Variants in TRIML1 observed in about 807,000 individuals in gnomAD.
The protein encoded by TRIML1 is tripartite motif family like 1, also known as probable E3 ubiquitin-protein ligase TRIML1.
In TRIML1, 34 loss-of-function variants were observed where a neutral mutation model predicts 32.3. The observed-to-expected ratio is 1.05, with a 90% confidence interval of 0.80 to 1.40. The LOEUF (loss-of-function observed/expected upper bound fraction) is 1.40. TRIML1 is among the 40% of genes most tolerant of loss of function. The pLI is 0.00. For synonymous variants in TRIML1, 244 were observed against 226.6 expected, an observed-to-expected ratio of 1.08 and a Z score of -0.69; for missense variants, 595 against 574.9, an observed-to-expected ratio of 1.03 and a Z score of -0.36.
chr4:188,147,000 G>A lies in TRIML1; in HGVS notation c.1035G>A (p.Val345=), dbSNP rs145790474. The change falls in exon 6 of 6, where the codon GTG becomes GTA. Residue 345 remains valine (V), a synonymous_variant. Transcript: ENST00000332517. ...CCAGTGGGAGACACTACTGGGAGGT[G>A]GAGGTGGGAAACAAGACCGAGTGGG... The part of the protein sequence containing the change: ...IFTSGRHYWE[V]EVGNKTEWEV... 5.0e-6 allele frequency: 8 copies of A among 1,592,218 alleles called. No individual in the cohort carries two copies. The highest frequency in any genetic ancestry group is 3.4e-4 in the Middle Eastern group (2 of 5,958).
chr4:188,141,610 T>C (rs1734855656), intron 2 of TRIML1, among the ~76,000 whole-genome samples: 1 of 152,214 alleles, frequency 6.6e-6, no homozygotes, highest in African/African-American at 2.4e-5. Context: ...TTGTTTTATT[T>C]GTATCATAGT....
chr4:188,138,439 C>T (rs537376074), upstream of TRIML1, among the ~76,000 whole-genome samples: 54 of 152,150 alleles, frequency 3.5e-4, no homozygotes, highest in African/African-American at 1.2e-3. Context: ...AGGTCAAACT[C>T]GCTGGCCTTT....
rs370647779 is a variant in TRIML1, at chr4:188,142,321, G to C, written c.574G>C (p.Glu192Gln). ...GAAAATGCACCAGTTCCTGAAGGAA[G>C]AGGAGCAGCTGCAACTCCAGCTACT... ...YMKMHQFLKE[E>Q]EQLQLQLLEQ... The change falls in exon 3 of 6, where the codon GAG (glutamate) becomes CAG (glutamine). Residue 192 changes from glutamate (E) to glutamine (Q), a missense_variant. Coordinates refer to ENST00000332517, the MANE Select transcript of TRIML1 (RefSeq NM_178556.5). The C allele has an allele frequency of 1.2e-6, 2 of 1,613,270 alleles. No individual in the cohort carries two copies. Among genetic ancestry groups the C allele is most frequent in the Non-Finnish European group, 8.5e-7 (1 of 1,179,914 alleles).
chr4:188,144,972 C>A (rs1735014560), intron 5 of TRIML1, among the ~76,000 whole-genome samples: 1 of 152,040 alleles, frequency 6.6e-6, no homozygotes, highest in South Asian at 2.1e-4. Flanking sequence ...TGAATAAAGC[C>A]CTGCCATGGG....
chr4:188,146,028 A>G (rs1285387508), intron 5 of TRIML1, among the ~76,000 whole-genome samples: 1 of 152,142 alleles, frequency 6.6e-6, no homozygotes, highest in Non-Finnish European at 1.5e-5. Context: ...ACCTTCCTGA[A>G]CCTGTTTTCT....
downstream of TRIML1, among the ~76,000 whole-genome samples, chr4:188,149,862 G>A (rs542255234): frequency 1.4e-4 from 21 of 152,130 alleles, no homozygotes; most frequent in East Asian, 3.7e-3. Context: ...GAATGCAGTG[G>A]CGCCATCTTG....
In TRIML1 at chr4:188,142,464, G is replaced by C. The variant is rs780369509; in HGVS notation, c.717G>C (p.Ser239=). ...IAQIESSSQS[S]AFESLEEVRG... is the part of the protein sequence containing the mutation. ...AGATTGAGTCCTCAAGTCAAAGCTCGGCTTTCGAATCTCTTGAGGTGAGAA... is the reference window on the plus strand; with the variant it reads ...AGATTGAGTCCTCAAGTCAAAGCTCCGCTTTCGAATCTCTTGAGGTGAGAA... Residue 239 remains serine (S), a synonymous_variant, in exon 3 of 6, where the codon TCG becomes TCC. Transcript: ENST00000332517. 12 of 1,613,568 alleles carry C rather than the reference G, an allele frequency of 7.4e-6. No individual in the cohort carries two copies. Among genetic ancestry groups the C allele is most frequent in the Non-Finnish European group, 1.7e-6 (2 of 1,179,864 alleles).
At position 188,142,378 on chromosome 4, in the gene TRIML1, CT is replaced by C. The variant is rs768391411; in HGVS notation, c.632del (p.Leu211ArgfsTer8). ...GGAAGAGAAAGAGAACATGAGGAAG[CT>C]GAGGAACAATGAGATCAAACTGACC... ...EQEEKENMRKLRNNEIKLTQQ... is the reference protein window; with the variant it reads ...EQEEKENMRKXRNNEIKLTQQ... On this transcript the variant is annotated frameshift_variant, in exon 3 of 6. Coordinates refer to ENST00000332517, the MANE Select transcript of TRIML1 (RefSeq NM_178556.5). LOFTEE classifies it high-confidence loss of function. The C allele has an allele frequency of 1.1e-5, 18 of 1,613,674 alleles. No individual in the cohort carries two copies. The African/African-American group carries it at 2.0e-4, about 18-fold the overall frequency.
chr4:188,148,635 C>T (rs1043710121), downstream of TRIML1, among the ~76,000 whole-genome samples: 1 of 152,074 alleles, frequency 6.6e-6, no homozygotes, highest in Non-Finnish European at 1.5e-5. Flanking sequence ...TGCAATCTCG[C>T]TCTGTCACCC....
At position 188,142,304 on chromosome 4, in the gene TRIML1, A is replaced by G; in HGVS notation, c.557A>G (p.His186Arg). The G allele has an allele frequency of 1.2e-6, 2 of 1,613,046 alleles. No individual in the cohort carries two copies. The highest frequency in any genetic ancestry group is 2.7e-5 in the African/African-American group (2 of 74,704). Residue 186 changes from histidine (H) to arginine (R), a missense_variant, in exon 3 of 6, where the codon CAC (histidine) becomes CGC (arginine). His to Arg is a conservative substitution (Grantham distance 29). Transcript: ENST00000332517. The part of the protein sequence containing the change: ...QVVVSEYMKM[H>R]QFLKEEEQLQ... ...GTTGTGTCAGAATACATGAAAATGC[A>G]CCAGTTCCTGAAGGAAGAGGAGCAG...
chr4:188,143,955 G>A, intron 4 of TRIML1, 81 bp from the exon 5 acceptor site: 1 of 1,604,806 alleles, frequency 6.2e-7, no homozygotes, highest in African/African-American at 1.3e-5. Flanking sequence ...GCTGTTGCTG[G>A]GGGAGAAATG....
intron 5 of TRIML1, among the ~76,000 whole-genome samples, chr4:188,145,478 T>TAAAAAAAAAAA (rs1735040954): frequency 9.1e-5 from 1 of 11,028 alleles, no homozygotes; most frequent in Non-Finnish European, 2.0e-4. Flanking sequence ...AAAAAAAAAG[T>TAAAAAAAAAAA]CAGAAATGGA....
Position 188,140,619 on chromosome 4 carries a change from G to A in TRIML1, c.500G>A (p.Cys167Tyr). Reference protein sequence around the residue: ...LTHEKERVKLCQEETKTCKQV... With the variant: ...LTHEKERVKLYQEETKTCKQV... ...CATGAGAAGGAGAGAGTGAAACTGT[G>A]CCAGGTCGGTGTCTGTCTGACTTTT... The change falls in exon 2 of 6, where the codon TGC becomes TAC. Residue 167 changes from cysteine (C) to tyrosine (Y), a missense_variant. Coordinates refer to ENST00000332517, the MANE Select transcript of TRIML1 (RefSeq NM_178556.5). 6.2e-7 allele frequency: 1 copy of A among 1,612,900 alleles called. No individual in the cohort carries two copies. Among genetic ancestry groups the A allele is most frequent in the Non-Finnish European group, 8.5e-7 (1 of 1,178,946 alleles).
upstream of TRIML1, chr4:188,139,431 A>T (rs896681558): frequency 9.0e-6 from 8 of 893,104 alleles, no homozygotes; most frequent in Non-Finnish European, 1.4e-5. Context: ...AGAAGAGATA[A>T]GGGTTTCTTG....
intron 3 of TRIML1, 102 bp downstream of exon 3, chr4:188,142,584 T>C: frequency 4.3e-6 from 4 of 931,800 alleles, no homozygotes; most frequent in South Asian, 3.5e-5. Flanking sequence ...AAAAACTAAG[T>C]TCTGGTCCAA....
At position 188,146,805 on chromosome 4, in the gene TRIML1, C is replaced by T. The variant is rs1735098134; in HGVS notation, c.857-17C>T. The T allele has an allele frequency of 7.4e-7, 1 of 1,354,780 alleles. No individual in the cohort carries two copies. The highest frequency in any genetic ancestry group is 9.6e-7 in the Non-Finnish European group (1 of 1,046,930). The allele number at this position is 1,354,780 out of a possible 1,614,324, so 83.9% of individuals were successfully genotyped here. ...CAAGCATGCCCAAGGGAAATCTCTTCTTTCCTCCTCTTGCAGCGGAGATAA... is the reference window on the plus strand; with the variant it reads ...CAAGCATGCCCAAGGGAAATCTCTTTTTTCCTCCTCTTGCAGCGGAGATAA... On this transcript the variant is annotated splice_polypyrimidine_tract_variant and intron_variant, in intron 5 of 5. Coordinates refer to ENST00000332517, the MANE Select transcript of TRIML1 (RefSeq NM_178556.5).
At chr4:188,140,668 G>A in intron 2 of TRIML1, 45 bp downstream of exon 2, 9 of 1,377,720 alleles carry the variant, frequency 6.5e-6, no homozygotes, top group South Asian at 2.5e-5. Flanking sequence ...GACCCCATAA[G>A]GGGGACTAAA....
intron 5 of TRIML1, among the ~76,000 whole-genome samples, chr4:188,145,085 C>T (rs1735018455): frequency 6.6e-6 from 1 of 152,040 alleles, no homozygotes; most frequent in South Asian, 2.1e-4. Context: ...AGGAGGAAGG[C>T]ATTAATCACA....
chr4:188,142,205 C>CGTGTG (rs1734881745), intron 2 of TRIML1, 47 bp from the exon 3 acceptor site: 1 of 1,173,682 alleles, frequency 8.5e-7, no homozygotes, highest in African/African-American at 2.6e-5. Context: ...CTAACTTTAT[C>CGTGTG]TCGTGTGTGT....
Sources: gnomAD v4.1 joint callset for allele counts (sites outside exome capture counted in the v4.1 genomes callset) on GRCh38, gnomAD v4.1.1 for gene constraint, MANE v1.5 for transcripts, NCBI Gene and HGNC (gene_info 2026-07-23, HGNC 2026-07-21) for gene names.